PRKACA: variants seen among roughly 807,000 people sequenced by gnomAD.
The protein encoded by PRKACA is protein kinase cAMP-activated catalytic subunit alpha, also known as cAMP-dependent protein kinase catalytic subunit alpha.
A neutral mutation model predicts 45.8 loss-of-function variants in PRKACA; 9 were observed. The observed-to-expected ratio is 0.20, with a 90% CI of 0.12 to 0.34. PRKACA has a LOEUF of 0.34. Among genes scored for constraint, PRKACA ranks in the 10% least tolerant of loss-of-function variants. PRKACA has a pLI of 1.00. For missense variants in PRKACA, 238 were observed against 458.6 expected (o/e 0.52, Z 4.39); for synonymous variants, 160 against 178.6 (o/e 0.90, Z 0.83).
intron 1 of PRKACA, chr19:14,107,680 C>G (rs12971578): frequency 0.02 from 25,999 of 1,279,840 alleles, 301 homozygotes; most frequent in Non-Finnish European, 0.023. Context: ...CCCAGGCAGA[C>G]CAGCCCACCC....
In PRKACA at chr19:14,098,783, G is replaced by C. The variant is rs551110804; in HGVS notation, c.420-893C>G. Among the ~76,000 whole-genome samples the C allele has an allele frequency of 2.9e-3, 433 of 147,198 alleles. 3 individuals are homozygous for C. The highest frequency in any genetic ancestry group is 0.01 in the African/African-American group (409 of 39,468). On this transcript the variant is annotated intron_variant, in intron 5 of 9. Coordinates refer to ENST00000308677, the MANE Select transcript of PRKACA (RefSeq NM_002730.4). ...TGCTGGGATTACAGGCGTGAGCCATGGCACCCGGCCTCCACCTCTGTATGT... is the reference window on the plus strand; with the variant it reads ...TGCTGGGATTACAGGCGTGAGCCATCGCACCCGGCCTCCACCTCTGTATGT...
chr19:14,101,334 C>G, intron 4 of PRKACA: 1 of 181,758 alleles, frequency 5.5e-6, no homozygotes, highest in Non-Finnish European at 1.2e-5. Context: ...TTTGGGAGGC[C>G]AAGGTGGGTG....
At chr19:14,112,645 G>A (rs755501013) in intron 1 of PRKACA, 1 of 152,296 alleles carries the variant, frequency 6.6e-6, no homozygotes, top group Admixed American at 6.5e-5. Flanking sequence ...AAGGTTTGCA[G>A]AGGGCTCCCT....
chr19:14,100,948 A>C (rs772665995), intron 4 of PRKACA, 40 bp from the exon 5 acceptor site: 2 of 1,583,616 alleles, frequency 1.3e-6, no homozygotes, highest in African/African-American at 2.7e-5. Flanking sequence ...CACCCCTGAG[A>C]CTTGGACCCG....
In PRKACA at chr19:14,092,181, A is replaced by C. The variant is rs1568526073; in HGVS notation, c.*931T>G. 2 of 154,860 alleles carry C rather than the reference A, an allele frequency of 1.3e-5. No homozygotes were observed. The highest frequency in any genetic ancestry group is 2.9e-5 in the Non-Finnish European group (2 of 69,850). 9.6% of individuals were successfully genotyped at this position (154,860 alleles called of 1,614,324 possible). On this transcript the variant is annotated 3_prime_UTR_variant, in exon 10 of 10. Coordinates refer to ENST00000308677, the MANE Select transcript of PRKACA (RefSeq NM_002730.4). ...AATCTAGCGGAGAATAAAATTAAGG[A>C]GTTGGGGGGAAACGCTGCTGGGAGG...
intron 3 of PRKACA, 54 bp downstream of exon 3, chr19:14,106,706 C>T (rs1475326813): frequency 1.9e-6 from 3 of 1,610,604 alleles, no homozygotes; most frequent in Non-Finnish European, 2.5e-6. Flanking sequence ...GGAGTGGGCA[C>T]AGTCCAGGCA....
chr19:14,107,979 G>C (rs1172988766), intron 1 of PRKACA: 7 of 986,070 alleles, frequency 7.1e-6, no homozygotes, highest in Non-Finnish European at 8.4e-6. Context: ...ATCCCAAGGT[G>C]AACATCACCG....
Position 14,092,613 on chromosome 19 carries a change from C to A in PRKACA, c.*499G>T. 1 of 397,344 alleles carries A rather than the reference C, an allele frequency of 2.5e-6. No homozygotes were observed. Among genetic ancestry groups the A allele is most frequent in the South Asian group, 1.3e-4 (1 of 7,876 alleles). The allele number at this position is 397,344 out of a possible 1,614,324, so 24.6% of individuals were successfully genotyped here. On this transcript the variant is annotated 3_prime_UTR_variant, in exon 10 of 10. Coordinates refer to ENST00000308677, the MANE Select transcript of PRKACA (RefSeq NM_002730.4). ...CTAGCAAGCAACCCACTGAACATGT[C>A]ACTAAAAATCTCTCCTTCCCAGGCA...
intron 3 of PRKACA, 96 bp from the exon 4 acceptor site, chr19:14,103,010 G>C (rs529496874): frequency 2.1e-6 from 2 of 971,494 alleles, no homozygotes; most frequent in Non-Finnish European, 3.3e-6. Context: ...GAGCCAGGCC[G>C]GTTCCTTCAG....
chr19:14,107,702 A>G, intron 1 of PRKACA: 4 of 1,195,232 alleles, frequency 3.3e-6, no homozygotes, highest in Non-Finnish European at 4.2e-6. Context: ...CACTCGCCCC[A>G]GTTCTGACCG....
chr19:14,106,639 G>A (rs1055039623), intron 3 of PRKACA, 121 bp downstream of exon 3: 36 of 1,388,062 alleles, frequency 2.6e-5, no homozygotes, highest in Non-Finnish European at 3.6e-5. Flanking sequence ...GAGCGACAGA[G>A]CGAGACTCTG....
chr19:14,099,904 C>T (rs1241933929), intron 5 of PRKACA, among the ~76,000 whole-genome samples: 6 of 151,938 alleles, frequency 3.9e-5, no homozygotes, highest in African/African-American at 2.4e-5. Context: ...AGTGCAGTGG[C>T]GCGATCTCGG....
intron 1 of PRKACA, chr19:14,108,457 G>A (rs1977678511): frequency 6.6e-6 from 1 of 152,366 alleles, no homozygotes; most frequent in Non-Finnish European, 1.5e-5. Context: ...GCCCAGGCTG[G>A]AATGCAGTGG....
chr19:14,093,907 C>T (rs531317895), intron 8 of PRKACA, 115 bp from the exon 9 acceptor site: 172 of 1,121,328 alleles, frequency 1.5e-4, no homozygotes, highest in African/African-American at 3.6e-4. Flanking sequence ...AAGCAGAGTG[C>T]CTGCCAGCAT....
intron 5 of PRKACA, chr19:14,098,477 T>C (rs1352694835): frequency 6.7e-6 from 1 of 149,894 alleles, no homozygotes; most frequent in Non-Finnish European, 1.5e-5. Context: ...TGTGTGTATA[T>C]ATATATATAT....
At chr19:14,106,076 C>G (rs568645766) in intron 3 of PRKACA, among the ~76,000 whole-genome samples, 1 of 152,102 alleles carries the variant, frequency 6.6e-6, no homozygotes, top group African/African-American at 2.4e-5. Flanking sequence ...GTGAGCCTGG[C>G]ATGGTGGCTC....
At position 14,097,221 on chromosome 19, in the gene PRKACA, G is replaced by A. The variant is rs747316373; in HGVS notation, c.765+140C>T. ...AGGTGTTGGCCTCAGTGTGGCCGGCGCGTCCAGCTTCACCACCTGGCCTGA... is the reference window on the plus strand; with the variant it reads ...AGGTGTTGGCCTCAGTGTGGCCGGCACGTCCAGCTTCACCACCTGGCCTGA... On this transcript the variant is annotated intron_variant, in intron 8 of 9. Coordinates refer to ENST00000308677, the MANE Select transcript of PRKACA (RefSeq NM_002730.4). The surrounding 1 kb of genome is among the most constrained non-coding windows in gnomAD (Gnocchi z 5.4). The A allele has an allele frequency of 6.4e-5, 86 of 1,341,338 alleles. No homozygotes were observed. The highest frequency in any genetic ancestry group is 7.1e-5 in the Non-Finnish European group (68 of 962,412). The allele number at this position is 1,341,338 out of a possible 1,614,324, so 83.1% of individuals were successfully genotyped here.
intron 4 of PRKACA, 70 bp from the exon 5 acceptor site, chr19:14,100,978 C>T: frequency 7.3e-7 from 1 of 1,375,040 alleles, no homozygotes; most frequent in Non-Finnish European, 1.0e-6. Flanking sequence ...CCTTGGGGGC[C>T]TCCCCGGCTG....
intron 5 of PRKACA, among the ~76,000 whole-genome samples, 193 bp downstream of exon 5, chr19:14,100,633 G>T (rs1977415655): frequency 2.0e-5 from 3 of 152,170 alleles, no homozygotes; most frequent in Non-Finnish European, 1.5e-5. Context: ...TGCCCTGTTT[G>T]CTCTGTTTTG....
Sources: allele counts gnomAD v4.1 joint callset (sites outside exome capture counted in the v4.1 genomes callset), GRCh38; gene constraint gnomAD v4.1.1; non-coding constraint Gnocchi (gnomAD v3.1); transcripts MANE v1.5; gene names NCBI Gene and HGNC (gene_info 2026-07-23, HGNC 2026-07-21).